The following UBE2F variants were observed in gnomAD, a reference collection of about 807,000 sequenced individuals.
UBE2F encodes the protein NEDD8-conjugating enzyme UBE2F.
A neutral mutation model predicts 29.6 loss-of-function variants in UBE2F; 5 were observed. The ratio of observed to expected loss-of-function variants is 0.17; its 90% confidence interval spans 0.09 to 0.36. UBE2F has a LOEUF of 0.36. Ranked by LOEUF, UBE2F falls within the 10% of genes least tolerant of loss-of-function variation. The pLI is 1.00. For synonymous variants in UBE2F, 66 were observed against 81.8 expected, an observed-to-expected ratio of 0.81 and a Z score of 1.04; for missense variants, 141 against 228.5, an observed-to-expected ratio of 0.62 and a Z score of 2.47.
intron 9 of UBE2F, among the ~76,000 whole-genome samples, chr2:238,041,070 C>T (rs1214810930): frequency 1.3e-5 from 2 of 152,112 alleles, no homozygotes; most frequent in Non-Finnish European, 2.9e-5. Flanking sequence ...TCCACGTGCT[C>T]CCCCCTCAAC....
At chr2:238,000,535 G>A (rs920036141) in intron 4 of UBE2F, among the ~76,000 whole-genome samples, 6 of 152,236 alleles carry the variant, frequency 3.9e-5, no homozygotes, top group African/African-American at 7.2e-5. Context: ...TTGTATGGAC[G>A]CATACCAGTT....
At chr2:238,020,965 G>T (rs1300398722) in intron 5 of UBE2F, among the ~76,000 whole-genome samples, 1 of 152,202 alleles carries the variant, frequency 6.6e-6, no homozygotes, top group Non-Finnish European at 1.5e-5. Flanking sequence ...TGGTGGGGAC[G>T]CCCAGAGGAG....
chr2:238,034,616 AAC>A (rs2064663075), intron 8 of UBE2F, among the ~76,000 whole-genome samples: 1 of 152,190 alleles, frequency 6.6e-6, no homozygotes, highest in Admixed American at 6.5e-5. Flanking sequence ...TGTGTCTGAT[AAC>A]AGTCTTTATC....
At chr2:238,004,931 A>C (rs1047839923) in intron 4 of UBE2F, among the ~76,000 whole-genome samples, 5 of 152,196 alleles carry the variant, frequency 3.3e-5, no homozygotes, top group Non-Finnish European at 5.9e-5. Flanking sequence ...GGATGCTGGC[A>C]GCTTCTGACC....
intron 5 of UBE2F, 99 bp downstream of exon 5, chr2:238,016,732 G>A (rs772625839): frequency 1.8e-5 from 16 of 890,782 alleles, no homozygotes; most frequent in South Asian, 1.6e-4. Flanking sequence ...TCCCCTCTGC[G>A]TGTGTCCATG....
At chr2:238,011,712 A>G (rs2064034274) in intron 4 of UBE2F, among the ~76,000 whole-genome samples, 1 of 152,252 alleles carries the variant, frequency 6.6e-6, no homozygotes, top group South Asian at 2.1e-4. Context: ...TATGCTAGAA[A>G]CAAAGGTCTG....
At position 237,967,157 on chromosome 2, in the gene UBE2F, C is replaced by G; in HGVS notation, c.-17+25C>G. 1.7e-6 allele frequency: 2 copies of G among 1,198,998 alleles called. No homozygotes were observed. The highest frequency in any genetic ancestry group is 3.2e-5 in the African/African-American group (2 of 62,574). 74.3% of individuals were successfully genotyped at this position (1,198,998 alleles called of 1,614,324 possible). ...GGTGAGGAGCGACCGTGCGGCTCTG[C>G]GGCGGGGCGAGGTGCGGCCGCCGGT... is the stretch of plus-strand genomic sequence containing the variant. On this transcript the variant is annotated intron_variant, in intron 1 of 9. Coordinates refer to ENST00000272930, the MANE Select transcript of UBE2F (RefSeq NM_080678.3). The surrounding 1 kb of genome is among the most constrained non-coding windows in gnomAD (Gnocchi z 6.3).
chr2:238,013,346 C>T, intron 4 of UBE2F, among the ~76,000 whole-genome samples: 1 of 152,102 alleles, frequency 6.6e-6, no homozygotes, highest in Non-Finnish European at 1.5e-5. Flanking sequence ...GGGGAAAAAG[C>T]AAATATAGGG....
intron 2 of UBE2F, chr2:237,986,204 C>T (rs1024544611): frequency 2.6e-6 from 1 of 378,622 alleles, no homozygotes; most frequent in South Asian, 1.9e-5. Context: ...GTGTAGAGCG[C>T]AGTGGTGTGG....
chr2:237,968,820 A>C (rs72981207), intron 1 of UBE2F: 60,169 of 983,350 alleles, frequency 0.061, 1,988 homozygotes, highest in African/African-American at 0.11. Context: ...TTAGAGCGTA[A>C]TTTGCAGGAA....
rs1042173342 is a variant in UBE2F at position 238,001,804 on chromosome 2, A to T, written c.214+6995A>T. On this transcript the variant is annotated intron_variant, in intron 4 of 9. Coordinates refer to ENST00000272930, the MANE Select transcript of UBE2F (RefSeq NM_080678.3). ...CACTGCACTCCAGCCTGGGCGACAG[A>T]GCAAGACTCCGTCTCAACAAAAAAC... 4.6e-5 allele frequency among the ~76,000 whole-genome samples: 7 copies of T among 152,166 alleles called. No homozygotes were observed. The East Asian group carries it at 1.4e-3, about 29-fold the overall frequency.
chr2:238,028,611 T>C (rs1030583389), intron 6 of UBE2F, among the ~76,000 whole-genome samples: 5 of 152,232 alleles, frequency 3.3e-5, no homozygotes, highest in Non-Finnish European at 5.9e-5. Context: ...GGATACATGA[T>C]TTGAGTTTTC....
At position 237,988,002 on chromosome 2, in the gene UBE2F, G is replaced by A. The variant is rs747941958; in HGVS notation, c.148+10G>A. On this transcript the variant is annotated intron_variant, in intron 3 of 9. Transcript: ENST00000272930. ...GAAGCTAATTTACCTTGTAAGTATA[G>A]CATCCCCAAACACTAAGTACTGTGA... 13 of 1,499,726 alleles carry A rather than the reference G, an allele frequency of 8.7e-6. No homozygotes were observed. Among genetic ancestry groups the A allele is most frequent in the African/African-American group, 1.5e-5 (1 of 68,772 alleles). 92.9% of individuals were successfully genotyped at this position (1,499,726 alleles called of 1,614,324 possible). A position where few individuals can be genotyped will look rare whatever the true frequency, so the allele number is the denominator to read the frequency against.
At chr2:238,008,491 T>A (rs1324465837) in intron 4 of UBE2F, among the ~76,000 whole-genome samples, 2 of 152,208 alleles carry the variant, frequency 1.3e-5, no homozygotes, top group African/African-American at 4.8e-5. Context: ...TCCTATCCTT[T>A]TAAGTTCTGT....
intron 6 of UBE2F, among the ~76,000 whole-genome samples, chr2:238,028,177 A>C (rs772789091): frequency 2.0e-5 from 3 of 152,218 alleles, no homozygotes; most frequent in Non-Finnish European, 4.4e-5. Context: ...GATGGGCCTC[A>C]CTGCTGCCCA....
rs78156169 is a variant in UBE2F, at chr2:238,040,709, C to A, written c.508-579C>A. 6.6e-6 allele frequency among the ~76,000 whole-genome samples: 1 copy of A among 152,070 alleles called. No individual in the cohort carries two copies. The highest frequency in any genetic ancestry group is 1.5e-5 in the Non-Finnish European group (1 of 68,034). On this transcript the variant is annotated intron_variant, in intron 9 of 9. Coordinates refer to ENST00000272930, the MANE Select transcript of UBE2F (RefSeq NM_080678.3). This position sits in a 1 kb window ranked among gnomAD's most constrained non-coding sequence, Gnocchi z 4.4. ...CCTGGGGTGATTCCTAGGTCCACAC[C>A]GCCTTTGGTCACTGTCCACCTTCAT...
intron 2 of UBE2F, among the ~76,000 whole-genome samples, chr2:237,985,310 T>C (rs769136292): frequency 6.6e-5 from 10 of 152,242 alleles, no homozygotes; most frequent in Non-Finnish European, 1.0e-4. Context: ...TGCTGTACTT[T>C]AGATCTCTAG....
chr2:238,030,671 T>G, intron 7 of UBE2F, 58 bp downstream of exon 7: 60 of 1,280,606 alleles, frequency 4.7e-5, no homozygotes, highest in Non-Finnish European at 6.2e-5. Flanking sequence ...CTCCCTGCAG[T>G]AGCCAGCCTC....
intron 2 of UBE2F, among the ~76,000 whole-genome samples, chr2:237,977,811 G>C (rs1380961297): frequency 6.6e-6 from 1 of 152,080 alleles, no homozygotes; most frequent in Non-Finnish European, 1.5e-5. Flanking sequence ...AACTGTCATC[G>C]GGTACTGTGG....
Sources: gnomAD v4.1 joint callset for allele counts (sites outside exome capture counted in the v4.1 genomes callset) on GRCh38, gnomAD v4.1.1 for gene constraint, Gnocchi (gnomAD v3.1) non-coding constraint, MANE v1.5 for transcripts, NCBI Gene and HGNC (gene_info 2026-07-23, HGNC 2026-07-21) for gene names.